WDR45: variants seen among roughly 807,000 people sequenced by gnomAD.
The protein encoded by WDR45 is WD repeat domain 45.
Under a neutral mutation model 27.3 loss-of-function variants are expected in WDR45, and 2 were observed. That is an observed-to-expected ratio of 0.07 (90% CI 0.03 to 0.23). The LOEUF (loss-of-function observed/expected upper bound fraction) is 0.23, where lower values mean the gene tolerates loss of function less well. Among genes scored for constraint, WDR45 ranks in the 10% least tolerant of loss-of-function variants. WDR45 has a pLI of 1.00. For missense variants in WDR45, 175 were observed against 311.9 expected (o/e 0.56, Z 3.31); for synonymous variants, 99 against 119.2 (o/e 0.83, Z 1.11).
intron 6 of WDR45, 171 bp from the exon 7 acceptor site, chrX:49,076,116 C>A: frequency 2.1e-6 from 1 of 482,022 alleles, no homozygotes; most frequent in Non-Finnish European, 3.6e-6. Flanking sequence ...AGATTCCATT[C>A]CTTGCTCTGC....
chrX:49,088,539 T>C (rs189623089), intron 2 of WDR45, among the ~76,000 whole-genome samples: 207 of 112,073 alleles, frequency 1.8e-3, no homozygotes, highest in Non-Finnish European at 3.2e-3. Context: ...TTCTAGGTAT[T>C]CTCCAACATA....
In WDR45 at chrX:49,079,561, A is replaced by G. The variant is rs2065057019; in HGVS notation, c.-18+190T>C. ...CTCTTTCTTTGGACAGCTCTGCCTT[A>G]GAGTTATTCTCTGGACAGCTCCAAC... On this transcript the variant is annotated intron_variant, in intron 1 of 10. Coordinates refer to ENST00000376372, the MANE Select transcript of WDR45 (RefSeq NM_001029896.2). The G allele has an allele frequency of 2.7e-5, 3 of 111,559 alleles. No individual in the cohort carries two copies. The Admixed American group carries it at 2.9e-4, about 11-fold the overall frequency. 9.2% of individuals were successfully genotyped at this position (111,559 alleles called of 1,213,427 possible). A position where few individuals can be genotyped will look rare whatever the true frequency, so the allele number is the denominator to read the frequency against.
intron 2 of WDR45, among the ~76,000 whole-genome samples, chrX:49,087,837 CA>C (rs782448007): frequency 1.7e-4 from 19 of 112,497 alleles, no homozygotes; most frequent in Non-Finnish European, 3.2e-4. Context: ...GTTGAGGCTT[CA>C]GTGAGCCATG....
At chrX:49,087,424 G>A (rs782713679) in intron 2 of WDR45, among the ~76,000 whole-genome samples, 2 of 112,224 alleles carry the variant, frequency 1.8e-5, no homozygotes, top group South Asian at 7.2e-4. Context: ...TCGGGAGGCT[G>A]AGGCAGGAGA....
chrX:49,075,405 A>G lies in WDR45; in HGVS notation c.786T>C (p.His262=), dbSNP rs1261524460. 1 of 1,208,676 alleles carries G rather than the reference A, an allele frequency of 8.3e-7. No individual in the cohort carries two copies. Among genetic ancestry groups the G allele is most frequent in the Non-Finnish European group, 1.1e-6 (1 of 893,786 alleles). Residue 262 remains histidine, a synonymous_variant, in exon 9 of 11, where the codon CAT becomes CAC. Transcript: ENST00000376372. ...LCASSDKGTV[H]IFALKDTRLN... is the part of the protein sequence containing the mutation. The stretch of plus-strand genomic sequence containing the variant: ...GGCGGGTATCCTTGAGAGCAAAGAT[A>G]TGGACAGTACCCTTATCACTGGAAG...
chrX:49,091,427 C>T (rs1261955642), intron 2 of WDR45, among the ~76,000 whole-genome samples: 1 of 109,114 alleles, frequency 9.2e-6, no homozygotes, highest in African/African-American at 3.3e-5. Flanking sequence ...GGCGACAGAG[C>T]GAGACTCCGT....
chrX:49,084,575 G>A (rs1369041646), upstream of WDR45, among the ~76,000 whole-genome samples: 2 of 109,248 alleles, frequency 1.8e-5, no homozygotes, highest in East Asian at 5.8e-4. Flanking sequence ...GACCAACTTT[G>A]TCCTCTCACA....
At chrX:49,076,063 C>T (rs782418691) in intron 6 of WDR45, 118 bp from the exon 7 acceptor site, 1 of 620,823 alleles carries the variant, frequency 1.6e-6, no homozygotes, top group African/African-American at 2.2e-5. Flanking sequence ...ACCCGAAGAA[C>T]CCTGAGGGGG....
chrX:49,082,073 G>T (rs1211984435), upstream of WDR45: 1 of 109,493 alleles, frequency 9.1e-6, no homozygotes, highest in Non-Finnish European at 1.9e-5. Flanking sequence ...TTTAGCCAAG[G>T]TGTGGATATT....
At chrX:49,091,641 C>T (rs1198988476) in intron 2 of WDR45, among the ~76,000 whole-genome samples, 1 of 92,032 alleles carries the variant, frequency 1.1e-5, no homozygotes, top group Non-Finnish European at 2.1e-5. Flanking sequence ...CCCAGCTACT[C>T]GGGAGGCTGA....
At chrX:49,091,754 TCA>T (rs1491317376) in intron 2 of WDR45, among the ~76,000 whole-genome samples, 1 of 15,795 alleles carries the variant, frequency 6.3e-5, no homozygotes, top group Admixed American at 1.2e-3. Flanking sequence ...AGACTCCGTC[TCA>T]AAAAAAAAAA....
At chrX:49,091,872 TG>T (rs2065107949) in intron 2 of WDR45, among the ~76,000 whole-genome samples, 1 of 105,686 alleles carries the variant, frequency 9.5e-6, no homozygotes, top group African/African-American at 3.5e-5. Context: ...GGCTCACGCC[TG>T]TAATCCCAGC....
At chrX:49,078,160 C>G (rs2065048891) in intron 1 of WDR45, 48 bp from the exon 2 acceptor site, 1 of 1,079,674 alleles carries the variant, frequency 9.3e-7, no homozygotes, top group Non-Finnish European at 1.3e-6. Flanking sequence ...AATCTCCCCT[C>G]CAAGTTCTGC....
upstream of WDR45, among the ~76,000 whole-genome samples, chrX:49,083,706 G>A (rs1391201074): frequency 9.1e-6 from 1 of 110,010 alleles, no homozygotes; most frequent in East Asian, 2.9e-4. Flanking sequence ...CCAGCACTTT[G>A]GGAGGGCGAG....
At chrX:49,078,919 C>G (rs1158755328) in intron 1 of WDR45, 1 of 112,137 alleles carries the variant, frequency 8.9e-6, no homozygotes, top group African/African-American at 3.3e-5. Context: ...TCTGCCATCC[C>G]CAGGAACTCC....
intron 2 of WDR45, among the ~76,000 whole-genome samples, chrX:49,095,795 TCGCTGTCACC>T (rs1428328331): frequency 2.6e-3 from 162 of 61,364 alleles, no homozygotes; most frequent in African/African-American, 0.01. Flanking sequence ...AGGCGGCATC[TCGCTGTCACC>T]CAGGCTAGAG....
intron 2 of WDR45, among the ~76,000 whole-genome samples, chrX:49,098,049 T>G (rs1239823622): frequency 2.7e-5 from 3 of 111,714 alleles, no homozygotes; most frequent in African/African-American, 9.8e-5. Flanking sequence ...ATTGCAAGGC[T>G]TAAGTGATCC....
rs782027231 is a variant in WDR45, at chrX:49,076,412, G to A, written c.436+18C>T. ...CACTGTTTCATGCCCTTACACCTGT[G>A]TATCTGAGCCCTCTCACCCTTGGGG... On this transcript the variant is annotated intron_variant, in intron 6 of 10. Transcript: ENST00000376372. The A allele has an allele frequency of 1.7e-6, 2 of 1,207,171 alleles. No individual in the cohort carries two copies. Among genetic ancestry groups the A allele is most frequent in the Admixed American group, 4.3e-5 (2 of 46,000 alleles).
intron 2 of WDR45, among the ~76,000 whole-genome samples, chrX:49,087,030 GTTTTTGTTTTTTTGT>G (rs1187073775): frequency 9.2e-6 from 1 of 108,972 alleles, no homozygotes; most frequent in Non-Finnish European, 1.9e-5. Context: ...TCAGTATACT[GTTTTTGTTTTTTTGT>G]TTTTTGTTTT....
Sources: allele counts gnomAD v4.1 joint callset (sites outside exome capture counted in the v4.1 genomes callset), GRCh38; gene constraint gnomAD v4.1.1; transcripts MANE v1.5; gene names NCBI Gene and HGNC (gene_info 2026-07-23, HGNC 2026-07-21).